The following PTPRD variants were observed in gnomAD, a reference collection of about 807,000 sequenced individuals.
PTPRD encodes receptor-type tyrosine-protein phosphatase delta.
Under a neutral mutation model 214.5 loss-of-function variants are expected in PTPRD, and 34 were observed. The ratio of observed to expected loss-of-function variants is 0.16; its 90% CI spans 0.12 to 0.21. The LOEUF (loss-of-function observed/expected upper bound fraction) is 0.21. PTPRD is among the 10% of genes least tolerant of loss of function. The pLI, the probability that PTPRD is intolerant of heterozygous loss-of-function variation, is 1.00. For missense variants in PTPRD, 2,545 were observed against 2,398.7 expected (o/e 1.06, Z -1.27); for synonymous variants, 1,128 against 845.7 (o/e 1.33, Z -5.79).
intron 3 of PTPRD, among the ~76,000 whole-genome samples, chr9:10,079,294 A>C (rs899305439): frequency 5.3e-5 from 8 of 151,974 alleles, no homozygotes; most frequent in African/African-American, 1.9e-4. Flanking sequence ...TGATGGCTTT[A>C]CTCTTCCAGA....
At chr9:9,617,558 T>A (rs2094952878) in intron 7 of PTPRD, among the ~76,000 whole-genome samples, 1 of 151,926 alleles carries the variant, frequency 6.6e-6, no homozygotes, top group African/African-American at 2.4e-5. Flanking sequence ...TTTCGTTGAA[T>A]GAAAAAAGAG....
intron 11 of PTPRD, among the ~76,000 whole-genome samples, chr9:8,952,980 G>A (rs752752468): frequency 1.4e-4 from 22 of 151,962 alleles, no homozygotes; most frequent in Non-Finnish European, 2.9e-4. Flanking sequence ...GCAATAAAAT[G>A]TTTGCAGGCC....
At chr9:8,497,304 A>G (rs925439398) in intron 25 of PTPRD, 36 bp from the exon 26 acceptor site, 1 of 1,561,096 alleles carries the variant, frequency 6.4e-7, no homozygotes, top group African/African-American at 1.4e-5. Context: ...GGAAAACAAA[A>G]TAAAAAGAAA....
intron 5 of PTPRD, among the ~76,000 whole-genome samples, chr9:9,806,603 C>G (rs909443936): frequency 6.6e-6 from 1 of 152,090 alleles, no homozygotes; most frequent in African/African-American, 2.4e-5. Context: ...CAATGATAAT[C>G]CCACCACCCT....
chr9:10,300,159 C>T (rs1161139160), intron 3 of PTPRD, among the ~76,000 whole-genome samples: 1 of 152,066 alleles, frequency 6.6e-6, no homozygotes, highest in Non-Finnish European at 1.5e-5. Context: ...AAAACAACAA[C>T]AACAAAAAAG....
chr9:9,117,843 G>A (rs912557392), intron 10 of PTPRD, among the ~76,000 whole-genome samples: 1 of 151,770 alleles, frequency 6.6e-6, no homozygotes, highest in Non-Finnish European at 1.5e-5. Flanking sequence ...CCAAACTGAT[G>A]CATTACCTTG....
At chr9:10,153,985 G>A (rs34893448) in intron 3 of PTPRD, among the ~76,000 whole-genome samples, 12,050 of 152,082 alleles carry the variant, frequency 0.079, 623 homozygotes, top group Admixed American at 0.16. Flanking sequence ...GATTTATAAT[G>A]TTGAGGGTAT....
At chr9:9,773,863 G>T (rs561583971) in intron 5 of PTPRD, among the ~76,000 whole-genome samples, 1 of 152,100 alleles carries the variant, frequency 6.6e-6, no homozygotes, top group Non-Finnish European at 1.5e-5. Context: ...AAAAAGATAA[G>T]CACTGTTCTT....
In PTPRD at chr9:8,946,347, A is replaced by G. The variant is rs536243166; in HGVS notation, c.-104+72350T>C. Among the ~76,000 whole-genome samples, 4 of 152,224 alleles carry G rather than the reference A, an allele frequency of 2.6e-5. No homozygotes were observed. The East Asian group carries it at 7.7e-4, about 29-fold the overall frequency. On this transcript the variant is annotated intron_variant, in intron 11 of 45. Transcript: ENST00000381196. Reference sequence around the variant, plus strand: ...CACCCCCCCACCACCCCAAGGAGGCAGCAGTATATAGGTTTCGAGGGTTTT... The same window carrying G: ...CACCCCCCCACCACCCCAAGGAGGCGGCAGTATATAGGTTTCGAGGGTTTT...
At position 8,322,635 on chromosome 9, in the gene PTPRD, A is replaced by G. The variant is rs918807446; in HGVS notation, c.5535-2669T>C. Among the ~76,000 whole-genome samples, 6 of 152,354 alleles carry G rather than the reference A, an allele frequency of 3.9e-5. No individual in the cohort carries two copies. In the East Asian group the frequency reaches 7.7e-4, roughly 20 times the overall value. The stretch of plus-strand genomic sequence containing the variant: ...AGGTTTAAGGAAGGAAGCCAACCCC[A>G]TAACATAAAAGTGCAAGGTGAAGCA... On this transcript the variant is annotated intron_variant, in intron 44 of 45. Transcript: ENST00000381196.
intron 10 of PTPRD, among the ~76,000 whole-genome samples, chr9:9,161,855 CAT>C (rs146603383): frequency 0.24 from 35,829 of 151,050 alleles, 5,773 homozygotes; most frequent in African/African-American, 0.45. Flanking sequence ...ATAAGCTACA[CAT>C]ATATATATAT....
At chr9:9,297,141 T>C (rs1054174696) in intron 9 of PTPRD, among the ~76,000 whole-genome samples, 1 of 151,756 alleles carries the variant, frequency 6.6e-6, no homozygotes, top group Admixed American at 6.6e-5. Context: ...TCTTCCCAAA[T>C]TTCTCCAGAA....
intron 8 of PTPRD, among the ~76,000 whole-genome samples, chr9:9,422,399 G>A (rs1039376113): frequency 1.3e-5 from 2 of 152,140 alleles, no homozygotes; most frequent in African/African-American, 4.8e-5. Flanking sequence ...GTAGCTTGTA[G>A]TAGACCAATC....
chr9:10,396,249 C>A (rs996466953), intron 2 of PTPRD, among the ~76,000 whole-genome samples: 1 of 151,962 alleles, frequency 6.6e-6, no homozygotes, highest in African/African-American at 2.4e-5. Context: ...TAGACTTTAT[C>A]TCAGAAATAG....
chr9:8,896,235 A>C (rs1358953051), intron 11 of PTPRD, among the ~76,000 whole-genome samples: 1 of 152,242 alleles, frequency 6.6e-6, no homozygotes, highest in Admixed American at 6.5e-5. Flanking sequence ...TTCTTTAAAA[A>C]GGCAGAGGAA....
intron 9 of PTPRD, among the ~76,000 whole-genome samples, chr9:9,374,069 A>G: frequency 6.6e-6 from 1 of 152,108 alleles, no homozygotes; most frequent in African/African-American, 2.4e-5. Flanking sequence ...GAAAAATGGT[A>G]CATCCATATT....
At chr9:10,547,732 C>A (rs112735757) in intron 2 of PTPRD, among the ~76,000 whole-genome samples, 4,352 of 151,660 alleles carry the variant, frequency 0.029, 185 homozygotes, top group African/African-American at 0.098. Context: ...CATATAGCAA[C>A]ACTTGGTGAA....
At chr9:10,385,600 G>A (rs186839708) in intron 2 of PTPRD, among the ~76,000 whole-genome samples, 4 of 151,706 alleles carry the variant, frequency 2.6e-5, no homozygotes, top group Non-Finnish European at 5.9e-5. Context: ...CTTTTTTCTC[G>A]GAGAGTCCTG....
At chr9:8,658,015 G>A (rs1596264703) in intron 12 of PTPRD, among the ~76,000 whole-genome samples, 1 of 152,198 alleles carries the variant, frequency 6.6e-6, no homozygotes. Context: ...AATATTGCTT[G>A]TCTTTTTAAT....
Sources: allele counts gnomAD v4.1 joint callset (sites outside exome capture counted in the v4.1 genomes callset), GRCh38; gene constraint gnomAD v4.1.1; transcripts MANE v1.5; gene names NCBI Gene and HGNC (gene_info 2026-07-23, HGNC 2026-07-21).